The following ARHGEF38 variants were observed in gnomAD, a reference collection of about 807,000 sequenced individuals.
ARHGEF38 encodes Rho guanine nucleotide exchange factor (GEF) 38.
In ARHGEF38, 79 loss-of-function variants were observed where a neutral mutation model predicts 79.9. That is an observed-to-expected ratio of 0.99 (90% CI 0.82 to 1.19). The LOEUF is 1.19. Ranked by LOEUF, ARHGEF38 falls within the 50% of genes most tolerant of loss-of-function variation. ARHGEF38 has a pLI of 0.00. For missense variants in ARHGEF38, 962 were observed against 907.2 expected (o/e 1.06, Z -0.78); for synonymous variants, 366 against 328.3 (o/e 1.11, Z -1.24).
At chr4:105,669,623 T>C (rs1730892411) in intron 13 of ARHGEF38, among the ~76,000 whole-genome samples, 1 of 152,188 alleles carries the variant, frequency 6.6e-6, no homozygotes, top group African/African-American at 2.4e-5. Context: ...CAATATCTTA[T>C]ATTCATGTCA....
Position 105,645,356 on chromosome 4 carries a change from C to T in ARHGEF38, c.843C>T (p.Asn281=). The change falls in exon 6 of 14, where the codon AAC becomes AAT. Residue 281 remains asparagine, a synonymous_variant. Coordinates refer to ENST00000420470, the MANE Select transcript of ARHGEF38 (RefSeq NM_001242729.2). ...CTGCTGTGAAGGACATTAATGTTAA[C>T]ATCAATGAACTTAAAAGAAGGAAAG... ...AFAAVKDINV[N]INELKRRKDL... 1 of 1,526,562 alleles carries T rather than the reference C, an allele frequency of 6.6e-7. No homozygotes were observed. Among genetic ancestry groups the T allele is most frequent in the Admixed American group, 2.1e-5 (1 of 48,312 alleles). The allele number at this position is 1,526,562 out of a possible 1,614,324, so 94.6% of individuals were successfully genotyped here.
intron 7 of ARHGEF38, among the ~76,000 whole-genome samples, chr4:105,651,345 C>T (rs761057796): frequency 6.6e-6 from 1 of 152,190 alleles, no homozygotes; most frequent in Non-Finnish European, 1.5e-5. Context: ...CACTTGTCAG[C>T]AGCTCAGGTG....
chr4:105,663,375 G>C (rs533324814), intron 10 of ARHGEF38, among the ~76,000 whole-genome samples: 1 of 152,236 alleles, frequency 6.6e-6, no homozygotes, highest in East Asian at 1.9e-4. Context: ...TTTCAGTAGT[G>C]TTAAGTATAC....
intron 2 of ARHGEF38, among the ~76,000 whole-genome samples, chr4:105,593,593 T>G (rs1332258172): frequency 1.3e-5 from 2 of 152,158 alleles, no homozygotes; most frequent in African/African-American, 2.4e-5. Context: ...GAAAAGTCTT[T>G]CTTTGAATTC....
chr4:105,671,213 G>A, intron 13 of ARHGEF38, among the ~76,000 whole-genome samples: 1 of 152,192 alleles, frequency 6.6e-6, no homozygotes, highest in East Asian at 1.9e-4. Context: ...TAATAAAACT[G>A]GATTGAAGAT....
intron 4 of ARHGEF38, chr4:105,631,585 A>G (rs1313578159): frequency 1.0e-6 from 1 of 985,252 alleles, no homozygotes; most frequent in African/African-American, 1.7e-5. Context: ...GAGCTACACA[A>G]TGTACTTTTT....
At chr4:105,554,078 C>T (rs1056769189) in intron 1 of ARHGEF38, among the ~76,000 whole-genome samples, 1 of 151,878 alleles carries the variant, frequency 6.6e-6, no homozygotes, top group Non-Finnish European at 1.5e-5. Flanking sequence ...TAGTTCAGCA[C>T]TAAAGCACAG....
At chr4:105,650,205 C>T (rs563919736) in intron 7 of ARHGEF38, among the ~76,000 whole-genome samples, 2 of 152,282 alleles carry the variant, frequency 1.3e-5, no homozygotes, top group East Asian at 1.9e-4. Flanking sequence ...GTGTATTAAT[C>T]GTATTTTTTA....
intron 3 of ARHGEF38, among the ~76,000 whole-genome samples, chr4:105,621,363 A>G (rs1048358853): frequency 1.3e-5 from 2 of 152,242 alleles, no homozygotes; most frequent in Non-Finnish European, 2.9e-5. Flanking sequence ...TTAAAACAAG[A>G]CTGTCATGAA....
chr4:105,657,051 T>TAGATAGATA lies in ARHGEF38; in HGVS notation c.1233+1329_1233+1330insAGATAGATA, dbSNP rs1553948602. Among the ~76,000 whole-genome samples the TAGATAGATA allele has an allele frequency of 2.4e-4, 36 of 151,194 alleles. 1 individual carries two copies. The highest frequency in any genetic ancestry group is 7.8e-4 in the African/African-American group (32 of 41,118). On this transcript the variant is annotated intron_variant, in intron 9 of 13. Transcript: ENST00000420470. ...GATGATAGATAGATAGATAGATAGATGATAGATAGATAGATAGATAGATAG... is the reference window on the plus strand; with the variant it reads ...GATGATAGATAGATAGATAGATAGATAGATAGATAGATAGATAGATAGATAGATAGATAG...
intron 1 of ARHGEF38, among the ~76,000 whole-genome samples, chr4:105,564,666 T>TA (rs780768216): frequency 3.9e-5 from 6 of 152,208 alleles, no homozygotes; most frequent in Non-Finnish European, 4.4e-5. Context: ...TAAAAAATGA[T>TA]AAAAAAGTTT....
chr4:105,582,803 C>T (rs778644931), intron 1 of ARHGEF38, among the ~76,000 whole-genome samples: 2 of 152,102 alleles, frequency 1.3e-5, no homozygotes, highest in South Asian at 2.1e-4. Flanking sequence ...TCACTTTTTG[C>T]TTCACATGTT....
intron 2 of ARHGEF38, among the ~76,000 whole-genome samples, chr4:105,590,130 A>AAGGAAGGAAG (rs1560706186): frequency 7.6e-6 from 1 of 131,896 alleles, no homozygotes. Flanking sequence ...AAGGAAGGAA[A>AAGGAAGGAAG]GAAAGAAAAA....
intron 5 of ARHGEF38, among the ~76,000 whole-genome samples, chr4:105,636,828 G>T (rs1368537619): frequency 1.3e-5 from 2 of 151,948 alleles, no homozygotes; most frequent in Non-Finnish European, 2.9e-5. Context: ...ATTATTTTAT[G>T]AAAATATTAG....
intron 7 of ARHGEF38, among the ~76,000 whole-genome samples, chr4:105,651,138 A>G (rs1043022036): frequency 2.6e-5 from 4 of 152,220 alleles, no homozygotes; most frequent in Non-Finnish European, 4.4e-5. Context: ...GACATTTATC[A>G]TCAACTTCTT....
At chr4:105,609,726 T>C (rs762319914) in intron 2 of ARHGEF38, among the ~76,000 whole-genome samples, 7 of 152,212 alleles carry the variant, frequency 4.6e-5, no homozygotes, top group Middle Eastern at 3.4e-3. Context: ...TTAAATGTAA[T>C]GGGAACTGGC....
intron 10 of ARHGEF38, among the ~76,000 whole-genome samples, chr4:105,663,139 T>C (rs1730624861): frequency 6.6e-6 from 1 of 152,178 alleles, no homozygotes; most frequent in African/African-American, 2.4e-5. Context: ...ACATCTTGCA[T>C]AACTACATGT....
intron 1 of ARHGEF38, among the ~76,000 whole-genome samples, chr4:105,567,893 C>T (rs1250255529): frequency 6.6e-6 from 1 of 151,582 alleles, no homozygotes; most frequent in Admixed American, 6.6e-5. Flanking sequence ...AACTCGTCAT[C>T]TAGCATTAGG....
intron 1 of ARHGEF38, among the ~76,000 whole-genome samples, chr4:105,588,546 T>C (rs1006298170): frequency 1.3e-5 from 2 of 152,218 alleles, no homozygotes; most frequent in Non-Finnish European, 2.9e-5. Context: ...ATATAAACTT[T>C]TGCTATGTGT....
Sources: gnomAD v4.1 joint callset for allele counts (sites outside exome capture counted in the v4.1 genomes callset) on GRCh38, gnomAD v4.1.1 for gene constraint, MANE v1.5 for transcripts, NCBI Gene and HGNC (gene_info 2026-07-23, HGNC 2026-07-21) for gene names.